Variants in NRG3 observed in about 807,000 individuals in gnomAD.
The protein encoded by NRG3 is pro-neuregulin-3, membrane-bound isoform.
In NRG3, 31 loss-of-function variants were observed where a neutral mutation model predicts 66.9. The ratio of observed to expected loss-of-function variants is 0.46; its 90% CI spans 0.35 to 0.63. The LOEUF is 0.63. NRG3 is among the 20% of genes least tolerant of loss of function. The pLI is 0.00. For synonymous variants in NRG3, 393 were observed against 359.4 expected (o/e 1.09, Z -1.06); for missense variants, 910 against 878.9 (o/e 1.04, Z -0.45).
chr10:81,979,728 G>C (rs1314581227), intron 1 of NRG3, among the ~76,000 whole-genome samples: 1 of 152,120 alleles, frequency 6.6e-6, no homozygotes, highest in Non-Finnish European at 1.5e-5. Context: ...ACACACAGGA[G>C]CCACATTTGC....
intron 3 of NRG3, among the ~76,000 whole-genome samples, chr10:82,741,698 C>T (rs1565264830): frequency 6.6e-6 from 1 of 152,110 alleles, no homozygotes; most frequent in African/African-American, 2.4e-5. Context: ...CAAGGTCATA[C>T]AGCTAGTTAA....
At chr10:82,407,374 A>C (rs548016822) in intron 2 of NRG3, among the ~76,000 whole-genome samples, 14 of 152,252 alleles carry the variant, frequency 9.2e-5, no homozygotes, top group African/African-American at 2.9e-4. Flanking sequence ...CCTACTCTAA[A>C]TGGAAGGGCA....
chr10:82,868,732 G>C (rs914446873), intron 4 of NRG3, among the ~76,000 whole-genome samples: 4 of 152,028 alleles, frequency 2.6e-5, no homozygotes, highest in Non-Finnish European at 4.4e-5. Context: ...TCACTGTATT[G>C]CCCAGGCTGG....
At chr10:82,732,756 A>G (rs1268132726) in intron 2 of NRG3, among the ~76,000 whole-genome samples, 1 of 152,246 alleles carries the variant, frequency 6.6e-6, no homozygotes, top group South Asian at 2.1e-4. Flanking sequence ...ACAAAAAGGC[A>G]GAGCAGCCAG....
At chr10:82,232,234 A>G (rs1481555492) in intron 1 of NRG3, 3 of 153,434 alleles carry the variant, frequency 2.0e-5, no homozygotes, top group African/African-American at 7.2e-5. Flanking sequence ...GCAGGGGGAA[A>G]GGGACTTTGG....
chr10:82,950,910 C>T (rs1849461411), intron 4 of NRG3, among the ~76,000 whole-genome samples: 2 of 152,150 alleles, frequency 1.3e-5, no homozygotes, highest in Admixed American at 1.3e-4. Context: ...TGTGCCAAAT[C>T]ATTGGTATTG....
intron 2 of NRG3, among the ~76,000 whole-genome samples, chr10:82,480,282 A>G (rs1027218114): frequency 1.3e-5 from 2 of 152,142 alleles, no homozygotes; most frequent in African/African-American, 4.8e-5. Flanking sequence ...GATTTGTGGT[A>G]ATGGTTGCAC....
chr10:82,416,013 G>T, intron 2 of NRG3, among the ~76,000 whole-genome samples: 1 of 152,120 alleles, frequency 6.6e-6, no homozygotes, highest in East Asian at 1.9e-4. Flanking sequence ...CTCAGTTCTT[G>T]TTATAGATAA....
chr10:82,430,460 T>A (rs902070782), intron 2 of NRG3, among the ~76,000 whole-genome samples: 1 of 152,158 alleles, frequency 6.6e-6, no homozygotes, highest in Admixed American at 6.5e-5. Flanking sequence ...GGTTTCACCA[T>A]GTTAGCCAGG....
intron 1 of NRG3, among the ~76,000 whole-genome samples, chr10:82,163,270 A>G (rs900703719): frequency 6.6e-6 from 1 of 152,182 alleles, no homozygotes; most frequent in African/African-American, 2.4e-5. Flanking sequence ...GAGTGACTTA[A>G]TCAGGTTCTC....
At chr10:81,928,797 A>G (rs1461521089) in intron 1 of NRG3, among the ~76,000 whole-genome samples, 1 of 152,178 alleles carries the variant, frequency 6.6e-6, no homozygotes, top group Admixed American at 6.5e-5. Context: ...AATTATAAAC[A>G]TTATCAGTTA....
chr10:82,374,976 C>G (rs1309026520), intron 2 of NRG3, among the ~76,000 whole-genome samples: 1 of 152,184 alleles, frequency 6.6e-6, no homozygotes, highest in Non-Finnish European at 1.5e-5. Flanking sequence ...CATCCCATGC[C>G]CATCTCATCC....
At chr10:82,160,807 G>A (rs564234231) in intron 1 of NRG3, among the ~76,000 whole-genome samples, 1 of 152,104 alleles carries the variant, frequency 6.6e-6, no homozygotes, top group East Asian at 1.9e-4. Flanking sequence ...AACAAGTTCA[G>A]CATGTGATCT....
chr10:82,769,987 C>T (rs530335007), intron 3 of NRG3, among the ~76,000 whole-genome samples: 3 of 151,914 alleles, frequency 2.0e-5, no homozygotes, highest in African/African-American at 7.3e-5. Flanking sequence ...GTAACTTAGC[C>T]AATCATAATG....
At chr10:82,464,443 A>G (rs1383887988) in intron 2 of NRG3, among the ~76,000 whole-genome samples, 1 of 152,198 alleles carries the variant, frequency 6.6e-6, no homozygotes, top group South Asian at 2.1e-4. Flanking sequence ...ACTACCAATT[A>G]AAGAAGAAGG....
chr10:82,247,379 G>A (rs116461494), intron 1 of NRG3, among the ~76,000 whole-genome samples: 127 of 152,194 alleles, frequency 8.3e-4, no homozygotes, highest in African/African-American at 2.8e-3. Flanking sequence ...CCACCTTCTC[G>A]CATGTCCCCT....
intron 7 of NRG3, among the ~76,000 whole-genome samples, chr10:82,976,002 G>A (rs1852213496): frequency 6.6e-6 from 1 of 152,044 alleles, no homozygotes; most frequent in Non-Finnish European, 1.5e-5. Flanking sequence ...ATCTATTACG[G>A]CATGTCATAT....
At chr10:82,478,925 G>T (rs1056172429) in intron 2 of NRG3, among the ~76,000 whole-genome samples, 13 of 152,116 alleles carry the variant, frequency 8.5e-5, no homozygotes, top group African/African-American at 2.7e-4. Context: ...TATTACTTTT[G>T]ACTCTATCTG....
At chr10:82,378,105 T>A (rs2135813242) in intron 2 of NRG3, among the ~76,000 whole-genome samples, 1 of 152,342 alleles carries the variant, frequency 6.6e-6, no homozygotes, top group Admixed American at 6.5e-5. Context: ...TTGTTTCGTT[T>A]GTTTTTTCTT....
Sources: gnomAD v4.1 joint callset for allele counts (sites outside exome capture counted in the v4.1 genomes callset) on GRCh38, gnomAD v4.1.1 for gene constraint, MANE v1.5 for transcripts, NCBI Gene and HGNC (gene_info 2026-07-23, HGNC 2026-07-21) for gene names.